Variants in ARHGAP31 observed in about 807,000 individuals in gnomAD.
The protein encoded by ARHGAP31 is rho GTPase-activating protein 31.
In ARHGAP31, 34 loss-of-function variants were observed where a neutral mutation model predicts 113.9. The observed-to-expected ratio is 0.30, with a 90% CI of 0.23 to 0.40. ARHGAP31 has a LOEUF of 0.40. Among genes scored for constraint, ARHGAP31 ranks in the 10% least tolerant of loss-of-function variants. The probability of loss-of-function intolerance (pLI) is 1.00; values close to 1 mark genes in which losing one functional copy is unlikely to be tolerated. For synonymous variants in ARHGAP31, 650 were observed against 684.8 expected, an observed-to-expected ratio of 0.95 and a Z score of 0.79; for missense variants, 1,548 against 1,767.1, an observed-to-expected ratio of 0.88 and a Z score of 2.22.
chr3:119,414,225 C>G lies in ARHGAP31; in HGVS notation c.2296C>G (p.Gln766Glu). 6.2e-7 allele frequency: 1 copy of G among 1,614,220 alleles called. No homozygotes were observed. The highest frequency in any genetic ancestry group is 8.5e-7 in the Non-Finnish European group (1 of 1,180,040). ...AGTTCCTTTTGAGAAGGCATCTCCA[C>G]AAGCAACAGTGGAAGTAGGAGGCCC... ...EIVPFEKASP[Q>E]ATVEVGGPGN... Residue 766 changes from glutamine (Q) to glutamate (E), a missense_variant, in exon 12 of 12, where the codon CAA becomes GAA. Physicochemically the swap from Gln to Glu is conservative, Grantham distance 29 (BLOSUM62 2). Coordinates refer to ENST00000264245, the MANE Select transcript of ARHGAP31 (RefSeq NM_020754.4).
intron 3 of ARHGAP31, among the ~76,000 whole-genome samples, chr3:119,373,591 G>A (rs1453681142): frequency 6.6e-6 from 1 of 152,176 alleles, no homozygotes; most frequent in African/African-American, 2.4e-5. Context: ...AGCCTCCTGA[G>A]TAGCTGGGAT....
At position 119,373,556 on chromosome 3, in the gene ARHGAP31, C is replaced by T. The variant is rs189490025; in HGVS notation, c.348+5040C>T. Among the ~76,000 whole-genome samples, 460 of 152,126 alleles carry T rather than the reference C, an allele frequency of 3.0e-3. 3 individuals are homozygous for T. Among genetic ancestry groups the T allele is most frequent in the African/African-American group, 9.4e-3 (391 of 41,498 alleles). ...ACGGCTCACTGCAGCCTCCCCCACC[C>T]GGGTTCAAGCAATTCTCCTGCCTCA... On this transcript the variant is annotated intron_variant, in intron 3 of 11. Coordinates refer to ENST00000264245, the MANE Select transcript of ARHGAP31 (RefSeq NM_020754.4).
chr3:119,383,791 T>C (rs1054854750), intron 6 of ARHGAP31, among the ~76,000 whole-genome samples: 1 of 152,224 alleles, frequency 6.6e-6, no homozygotes, highest in Non-Finnish European at 1.5e-5. Context: ...GTGGGCATCT[T>C]GTAATGAATA....
At chr3:119,379,204 G>C (rs1047991641) in intron 3 of ARHGAP31, among the ~76,000 whole-genome samples, 1 of 152,218 alleles carries the variant, frequency 6.6e-6, no homozygotes, top group Admixed American at 6.5e-5. Context: ...AGCACTCACA[G>C]AGCTTATGTT....
intron 7 of ARHGAP31, among the ~76,000 whole-genome samples, 168 bp downstream of exon 7, chr3:119,391,151 C>T (rs547357757): frequency 1.2e-4 from 19 of 152,162 alleles, no homozygotes; most frequent in Non-Finnish European, 1.9e-4. Context: ...CTACAACTCT[C>T]TCACCAGCAG....
intron 1 of ARHGAP31, among the ~76,000 whole-genome samples, chr3:119,344,514 G>A (rs1237213981): frequency 6.6e-6 from 1 of 152,202 alleles, no homozygotes; most frequent in Non-Finnish European, 1.5e-5. Context: ...CACTAATGGA[G>A]GACCAAAGCC....
rs576462486 is a variant in ARHGAP31, at chr3:119,332,608, C to G, written c.101-32708C>G. Reference sequence around the variant, plus strand: ...GATCTCTTTCTCTCTCTCTCTTTCTCTCTCTCTCTCTCTCTCTCTCTCTCT... The same window carrying G: ...GATCTCTTTCTCTCTCTCTCTTTCTGTCTCTCTCTCTCTCTCTCTCTCTCT... On this transcript the variant is annotated intron_variant, in intron 1 of 11. Coordinates refer to ENST00000264245, the MANE Select transcript of ARHGAP31 (RefSeq NM_020754.4). Among the ~76,000 whole-genome samples the G allele has an allele frequency of 1.4e-4, 14 of 103,406 alleles. No homozygotes were observed. The Admixed American group carries it at 1.7e-3, about 13-fold the overall frequency. The allele number at this position is 103,406 out of a possible 152,430, so 67.8% of individuals were successfully genotyped here.
intron 1 of ARHGAP31, among the ~76,000 whole-genome samples, chr3:119,332,631 T>TCA (rs1296865382): frequency 2.2e-4 from 25 of 115,358 alleles, no homozygotes; most frequent in East Asian, 7.4e-4. Flanking sequence ...TCTCTCTCTC[T>TCA]CTCTCACACA....
intron 1 of ARHGAP31, among the ~76,000 whole-genome samples, chr3:119,360,977 T>C (rs1000268673): frequency 5.3e-5 from 8 of 152,304 alleles, no homozygotes; most frequent in Admixed American, 2.0e-4. Flanking sequence ...CGTCAGTCCT[T>C]CCCATGCCTA....
intron 1 of ARHGAP31, among the ~76,000 whole-genome samples, chr3:119,359,340 G>T (rs1020711633): frequency 2.6e-5 from 4 of 151,280 alleles, no homozygotes; most frequent in Non-Finnish European, 4.4e-5. Flanking sequence ...GGTTTAAAAA[G>T]AAAAAATAAA....
At chr3:119,351,620 A>G (rs1559976399) in intron 1 of ARHGAP31, among the ~76,000 whole-genome samples, 3 of 151,946 alleles carry the variant, frequency 2.0e-5, no homozygotes, top group African/African-American at 7.2e-5. Flanking sequence ...AAGAAAAAAA[A>G]AGAGAGGTGG....
chr3:119,294,508 C>G lies in ARHGAP31; in HGVS notation c.-397C>G. ...AGCCCCCTGGGCAGTCTCCTCGCCC[C>G]GCGTCCGCGTCGTCTCCGGGGCACT... is the stretch of plus-strand genomic sequence containing the variant. On this transcript the variant is annotated 5_prime_UTR_variant, in exon 1 of 12. Transcript: ENST00000264245. 2.2e-6 allele frequency: 1 copy of G among 453,700 alleles called. No homozygotes were observed. Among genetic ancestry groups the G allele is most frequent in the Non-Finnish European group, 3.8e-6 (1 of 263,588 alleles). The allele number at this position is 453,700 out of a possible 1,614,324, so 28.1% of individuals were successfully genotyped here. A position where few individuals can be genotyped will look rare whatever the true frequency, so the allele number is the denominator to read the frequency against.
At chr3:119,378,168 G>C (rs528402773) in intron 3 of ARHGAP31, among the ~76,000 whole-genome samples, 19 of 152,124 alleles carry the variant, frequency 1.2e-4, no homozygotes, top group Non-Finnish European at 2.6e-4. Context: ...CTAATGCTGA[G>C]TGAAATTCTC....
chr3:119,322,312 C>T lies in ARHGAP31; in HGVS notation c.100+27308C>T, dbSNP rs78731474. 6.5e-3 allele frequency among the ~76,000 whole-genome samples: 990 copies of T among 152,306 alleles called. 16 individuals carry two copies. The highest frequency in any genetic ancestry group is 0.062 in the East Asian group (319 of 5,186). ...TAACCTCCTGACTTTCTCCTTGTCTCTTGAATTTATCTTAGACATAAATGA... is the reference window on the plus strand; with the variant it reads ...TAACCTCCTGACTTTCTCCTTGTCTTTTGAATTTATCTTAGACATAAATGA... On this transcript the variant is annotated intron_variant, in intron 1 of 11. Transcript: ENST00000264245.
At chr3:119,391,341 A>G (rs1397368230) in intron 7 of ARHGAP31, among the ~76,000 whole-genome samples, 1 of 152,052 alleles carries the variant, frequency 6.6e-6, no homozygotes, top group East Asian at 1.9e-4. Context: ...CTAAAAACAA[A>G]ACTTCGACCC....
chr3:119,320,654 A>C (rs1342137508), intron 1 of ARHGAP31, among the ~76,000 whole-genome samples: 2 of 152,318 alleles, frequency 1.3e-5, no homozygotes, highest in East Asian at 3.9e-4. Context: ...TTCTGCCCAC[A>C]AACCAGCAAG....
chr3:119,349,550 G>C (rs1167201213), intron 1 of ARHGAP31, among the ~76,000 whole-genome samples: 1 of 152,130 alleles, frequency 6.6e-6, no homozygotes, highest in South Asian at 2.1e-4. Context: ...GGTGATGTTG[G>C]GGGAGGGGTC....
intron 7 of ARHGAP31, 103 bp from the exon 8 acceptor site, chr3:119,393,364 C>A (rs1032323487): frequency 4.3e-6 from 6 of 1,403,248 alleles, no homozygotes; most frequent in Admixed American, 1.7e-5. Context: ...AATATCAGAG[C>A]CATTCATAAC....
At chr3:119,311,193 C>T (rs2079680733) in intron 1 of ARHGAP31, among the ~76,000 whole-genome samples, 1 of 152,212 alleles carries the variant, frequency 6.6e-6, no homozygotes, top group East Asian at 1.9e-4. Flanking sequence ...ATAATTTCCT[C>T]CCTTGAGTAA....
Sources: allele counts gnomAD v4.1 joint callset (sites outside exome capture counted in the v4.1 genomes callset), GRCh38; gene constraint gnomAD v4.1.1; transcripts MANE v1.5; gene names NCBI Gene and HGNC (gene_info 2026-07-23, HGNC 2026-07-21).